The following IREB2 variants were observed in gnomAD, a reference collection of about 807,000 sequenced individuals.
IREB2 encodes iron responsive element binding protein 2.
IREB2 carries 39 observed loss-of-function variants against 118.8 expected under a neutral mutation model. The ratio of observed to expected loss-of-function variants is 0.33; its 90% CI spans 0.25 to 0.43. The LOEUF is 0.43. Among genes scored for constraint, IREB2 ranks in the 20% least tolerant of loss-of-function variants. The pLI is 1.00. For synonymous variants in IREB2, 372 were observed against 392.2 expected (o/e 0.95, Z 0.61); for missense variants, 900 against 1,147.3 (o/e 0.78, Z 3.11).
At chr15:78,450,104 A>C (rs1189354752) in intron 2 of IREB2, among the ~76,000 whole-genome samples, 1 of 152,158 alleles carries the variant, frequency 6.6e-6, no homozygotes, top group Non-Finnish European at 1.5e-5. Context: ...TTGAGCTAAT[A>C]TTTATTGAGT....
At chr15:78,497,940 A>G in intron 21 of IREB2, 93 bp from the exon 22 acceptor site, 2 of 687,794 alleles carry the variant, frequency 2.9e-6, no homozygotes, top group South Asian at 3.6e-5. Context: ...TGTGGCAAGT[A>G]TAGTCATTAA....
rs570535502 is a variant in IREB2 at position 78,499,812 on chromosome 15, A to G, written c.*1669A>G. ...TGAAATGCCTGTATGTGCTCTGAAG[A>G]AATGGTAATTCCAGATTGTGCAGGG... On this transcript the variant is annotated 3_prime_UTR_variant, in exon 22 of 22. Transcript: ENST00000258886. The G allele has an allele frequency of 6.6e-6, 1 of 152,356 alleles. No homozygotes were observed. Among genetic ancestry groups the G allele is most frequent in the South Asian group, 2.1e-4 (1 of 4,832 alleles). The allele number at this position is 152,356 out of a possible 1,614,324, so 9.4% of individuals were successfully genotyped here.
chr15:78,463,194 T>G, intron 3 of IREB2, 107 bp downstream of exon 3: 1 of 917,586 alleles, frequency 1.1e-6, no homozygotes, highest in Non-Finnish European at 1.6e-6. Flanking sequence ...ATCCCAGTAC[T>G]TTGGGAGGCC....
intron 2 of IREB2, among the ~76,000 whole-genome samples, chr15:78,443,960 T>A (rs2050886488): frequency 6.6e-6 from 1 of 152,198 alleles, no homozygotes; most frequent in African/African-American, 2.4e-5. Context: ...GTGGGGAATC[T>A]CTTTAATATT....
chr15:78,438,598 T>A (rs1275914691), intron 1 of IREB2: 5 of 539,480 alleles, frequency 9.3e-6, no homozygotes, highest in Non-Finnish European at 1.3e-5. Context: ...ACCGCTGGCC[T>A]TGACCCGCAC....
chr15:78,489,714 A>T (rs1278935389), intron 16 of IREB2, among the ~76,000 whole-genome samples: 5 of 152,026 alleles, frequency 3.3e-5, no homozygotes, highest in Non-Finnish European at 4.4e-5. Context: ...AAAATAAAAA[A>T]TGCTCAGGCT....
chr15:78,479,753 A>G (rs551712959), intron 10 of IREB2, among the ~76,000 whole-genome samples: 6 of 152,098 alleles, frequency 3.9e-5, no homozygotes, highest in Non-Finnish European at 7.4e-5. Context: ...ATATTTTACA[A>G]TCTAAGTAAA....
Position 78,484,798 on chromosome 15 carries a change from A to G in IREB2, c.1451A>G (p.Gln484Arg), listed in dbSNP as rs2051632209. 4 of 1,613,576 alleles carry G rather than the reference A, an allele frequency of 2.5e-6. No individual in the cohort carries two copies. The highest frequency in any genetic ancestry group is 3.4e-6 in the Non-Finnish European group (4 of 1,179,856). ...GGCTTCCAAATTGCAGCTGAAAAAC[A>G]AAAGGATATTGTCTCCATTCATTAT... ...FKGFQIAAEK[Q>R]KDIVSIHYEG... Residue 484 changes from glutamine to arginine, a missense_variant, in exon 12 of 22, where the codon CAA (glutamine) becomes CGA (arginine). Transcript: ENST00000258886.
chr15:78,484,525 C>T (rs957256714), intron 11 of IREB2, among the ~76,000 whole-genome samples: 1 of 152,076 alleles, frequency 6.6e-6, no homozygotes. Flanking sequence ...AGGCTGGACT[C>T]GCTTAGTAGA....
At chr15:78,469,113 G>A (rs1467212333) in intron 5 of IREB2, among the ~76,000 whole-genome samples, 1 of 152,088 alleles carries the variant, frequency 6.6e-6, no homozygotes, top group East Asian at 1.9e-4. Flanking sequence ...GTAGTTCCTG[G>A]CTATGTGATA....
intron 8 of IREB2, 38 bp from the exon 9 acceptor site, chr15:78,476,150 T>C (rs1272572671): frequency 6.8e-7 from 1 of 1,461,358 alleles, no homozygotes; most frequent in Non-Finnish European, 9.3e-7. Context: ...ATCTTATCTT[T>C]GCAATTTTGT....
chr15:78,476,180 TTA>T lies in IREB2; in HGVS notation c.1024-3_1024-2del, dbSNP rs1236177930. 3 of 1,572,746 alleles carry T rather than the reference TTA, an allele frequency of 1.9e-6. No individual in the cohort carries two copies. The highest frequency in any genetic ancestry group is 2.6e-6 in the Non-Finnish European group (3 of 1,149,724). ...TTTTGTATGTGTTTCTGTGTATTCC[TTA>T]TATAGCACCTCAGGCAAGTAGGAGT... On this transcript the variant is annotated splice_polypyrimidine_tract_variant and splice_region_variant and intron_variant, in intron 8 of 21. Transcript: ENST00000258886.
intron 2 of IREB2, among the ~76,000 whole-genome samples, chr15:78,447,285 T>G (rs1207082583): frequency 6.7e-6 from 1 of 150,282 alleles, no homozygotes; most frequent in Non-Finnish European, 1.5e-5. Context: ...CAGGCAATCC[T>G]CCCATCTCAG....
Position 78,485,749 on chromosome 15 carries a change from C to A in IREB2, c.1618C>A (p.Pro540Thr), listed in dbSNP as rs1278754318. 1 of 1,613,796 alleles carries A rather than the reference C, an allele frequency of 6.2e-7. No homozygotes were observed. Reference sequence around the variant, plus strand: ...TGTTGAAGCTGGTCTGCGTGTTAAACCTTATATAAGAACAAGTTTATCTCC... The same window carrying A: ...TGTTGAAGCTGGTCTGCGTGTTAAAACTTATATAAGAACAAGTTTATCTCC... ...KAVEAGLRVK[P>T]YIRTSLSPGS... The change falls in exon 13 of 22, where the codon CCT (proline) becomes ACT (threonine). Residue 540 changes from proline (P) to threonine (T), a missense_variant. By Grantham distance (38) the Pro-to-Thr change is conservative. Transcript: ENST00000258886.
chr15:78,456,850 C>T (rs2051113909), intron 2 of IREB2, among the ~76,000 whole-genome samples: 1 of 152,184 alleles, frequency 6.6e-6, no homozygotes. Context: ...ATTCTCTTGA[C>T]TGTTTCTTCA....
rs745966648 is a variant in IREB2, at chr15:78,490,436, G to A, written c.2091G>A (p.Arg697=). The change falls in exon 17 of 22, where the codon CGG becomes CGA. Residue 697 remains arginine, a synonymous_variant. Coordinates refer to ENST00000258886, the MANE Select transcript of IREB2 (RefSeq NM_004136.4). The part of the protein sequence containing the change: ...LKDKIEMGNK[R]WNSLEAPDSV... ...TGTATTCACAGATGGGGAATAAACG[G>A]TGGAATTCCTTAGAAGCACCGGATT... The A allele has an allele frequency of 5.0e-6, 8 of 1,602,072 alleles. No individual in the cohort carries two copies. The East Asian group carries it at 1.3e-4, about 27-fold the overall frequency.
At position 78,497,321 on chromosome 15, in the gene IREB2, A is replaced by C; in HGVS notation, c.2781+10A>C. On this transcript the variant is annotated intron_variant, in intron 21 of 21. Transcript: ENST00000258886. ...TACATTGAATATACAGGTATCTCTA[A>C]ATTTTTCAAATATATGATTATGCAC... 2.5e-6 allele frequency: 4 copies of C among 1,581,600 alleles called. No homozygotes were observed. Among genetic ancestry groups the C allele is most frequent in the Non-Finnish European group, 3.5e-6 (4 of 1,152,834 alleles).
intron 8 of IREB2, chr15:78,475,061 C>CAAAAAAAA (rs67418312): frequency 2.9e-5 from 2 of 69,944 alleles, no homozygotes; most frequent in East Asian, 4.4e-4. Flanking sequence ...GACTCTGTCT[C>CAAAAAAAA]AAAAAAAAAA....
At chr15:78,481,293 C>A (rs2141506743) in intron 10 of IREB2, among the ~76,000 whole-genome samples, 1 of 152,254 alleles carries the variant, frequency 6.6e-6, no homozygotes, top group Non-Finnish European at 1.5e-5. Flanking sequence ...ACCTCCATTT[C>A]CTGGGTTGAA....
Sources: allele counts gnomAD v4.1 joint callset (sites outside exome capture counted in the v4.1 genomes callset), GRCh38; gene constraint gnomAD v4.1.1; transcripts MANE v1.5; gene names NCBI Gene and HGNC (gene_info 2026-07-23, HGNC 2026-07-21).